Variants in SORCS2 observed in about 807,000 individuals in gnomAD.
The protein encoded by SORCS2 is sortilin related VPS10 domain containing receptor 2.
A neutral mutation model predicts 141.6 loss-of-function variants in SORCS2; 100 were observed. The ratio of observed to expected loss-of-function variants is 0.71; its 90% confidence interval spans 0.60 to 0.83. The LOEUF is 0.83. Ranked by LOEUF, SORCS2 falls within the 40% of genes least tolerant of loss-of-function variation. The pLI is 0.00. For missense variants in SORCS2, 1,646 were observed against 1,560.2 expected (o/e 1.05, Z -0.93); for synonymous variants, 789 against 676.9 (o/e 1.17, Z -2.57).
chr4:7,541,365 T>G (rs1389715334), intron 3 of SORCS2, among the ~76,000 whole-genome samples: 1 of 152,216 alleles, frequency 6.6e-6, no homozygotes, highest in Non-Finnish European at 1.5e-5. Context: ...TTGCTAACTT[T>G]CCATTCTGCT....
intron 1 of SORCS2, among the ~76,000 whole-genome samples, chr4:7,212,708 T>C (rs989271155): frequency 5.9e-5 from 9 of 152,198 alleles, no homozygotes; most frequent in Non-Finnish European, 1.2e-4. Flanking sequence ...CACAAACCCA[T>C]CATGTTGGCC....
At chr4:7,342,828 G>T (rs189403834) in intron 1 of SORCS2, among the ~76,000 whole-genome samples, 4 of 152,222 alleles carry the variant, frequency 2.6e-5, no homozygotes, top group Admixed American at 6.5e-5. Flanking sequence ...CTGTGAGCAG[G>T]CAGATGGGAC....
intron 11 of SORCS2, among the ~76,000 whole-genome samples, chr4:7,691,470 T>C (rs1724249549): frequency 6.6e-6 from 1 of 152,158 alleles, no homozygotes; most frequent in African/African-American, 2.4e-5. Context: ...AGACCTGGCC[T>C]GTCTGGGGAG....
At position 7,724,695 on chromosome 4, in the gene SORCS2, G is replaced by T. The variant is rs868678166; in HGVS notation, c.2612-459G>T. Among the ~76,000 whole-genome samples the T allele has an allele frequency of 4.9e-4, 34 of 69,280 alleles. 13 individuals are homozygous for T. The highest frequency in any genetic ancestry group is 9.8e-4 in the South Asian group (2 of 2,046). The allele number at this position is 69,280 out of a possible 152,430, so 45.5% of individuals were successfully genotyped here. A position where few individuals can be genotyped will look rare whatever the true frequency, so the allele number is the denominator to read the frequency against. On this transcript the variant is annotated intron_variant, in intron 19 of 26. Transcript: ENST00000507866. ...TGGTGGTAGTGGTGATGGTGGTGGT[G>T]TTGGTGATGGTGGTGATAGTATTGG...
At chr4:7,391,131 A>G (rs979070761) in intron 1 of SORCS2, among the ~76,000 whole-genome samples, 2 of 152,024 alleles carry the variant, frequency 1.3e-5, no homozygotes, top group African/African-American at 4.8e-5. Flanking sequence ...CCTGCATCAC[A>G]CCCTCTTTGT....
At chr4:7,480,479 G>C (rs891114809) in intron 2 of SORCS2, among the ~76,000 whole-genome samples, 7 of 152,256 alleles carry the variant, frequency 4.6e-5, no homozygotes, top group African/African-American at 1.7e-4. Context: ...GGGAGACCAT[G>C]CTCTGAAGCT....
chr4:7,567,836 T>G (rs1246693549), intron 3 of SORCS2, among the ~76,000 whole-genome samples: 4 of 152,236 alleles, frequency 2.6e-5, no homozygotes, highest in Non-Finnish European at 5.9e-5. Flanking sequence ...TATATGAGGA[T>G]GAACTCATGA....
Position 7,536,791 on chromosome 4 carries a change from T to A in SORCS2, c.648+5162T>A, listed in dbSNP as rs564209708. On this transcript the variant is annotated intron_variant, in intron 3 of 26. Transcript: ENST00000507866. ...CCCCTCGGTGATCATTTTTGGTGTA[T>A]CACACTTTCGGCCAGAAGCGGATGT... is the stretch of plus-strand genomic sequence containing the variant. 1.5e-3 allele frequency among the ~76,000 whole-genome samples: 220 copies of A among 147,286 alleles called. 1 individual carries two copies. The highest frequency in any genetic ancestry group is 5.5e-3 in the African/African-American group (212 of 38,276).
intron 2 of SORCS2, among the ~76,000 whole-genome samples, chr4:7,508,452 G>A (rs919258707): frequency 1.1e-4 from 16 of 149,174 alleles, no homozygotes; most frequent in African/African-American, 4.0e-4. Context: ...CCGGGTTCAA[G>A]TGATTCTCCT....
At chr4:7,307,183 C>G (rs1197781082) in intron 1 of SORCS2, among the ~76,000 whole-genome samples, 2 of 152,338 alleles carry the variant, frequency 1.3e-5, no homozygotes, top group Non-Finnish European at 1.5e-5. Context: ...ACATTCTCTT[C>G]CCCTCCCCTC....
At chr4:7,637,418 T>C (rs544615858) in intron 3 of SORCS2, among the ~76,000 whole-genome samples, 2 of 152,342 alleles carry the variant, frequency 1.3e-5, no homozygotes, top group Non-Finnish European at 1.5e-5. Context: ...TGGTCCTGCT[T>C]TGGAGCAGTT....
chr4:7,675,298 G>GC (rs1481142399), intron 8 of SORCS2, among the ~76,000 whole-genome samples: 2 of 152,200 alleles, frequency 1.3e-5, no homozygotes, highest in Non-Finnish European at 2.9e-5. Context: ...TGCCCTGGCT[G>GC]CCCTTCAACC....
intron 3 of SORCS2, among the ~76,000 whole-genome samples, chr4:7,598,480 C>T (rs572469591): frequency 4.5e-4 from 69 of 152,272 alleles, no homozygotes; most frequent in Middle Eastern, 3.4e-3. Flanking sequence ...CTTCTCCCTC[C>T]GCTGTGATCA....
At chr4:7,518,388 G>A (rs189871485) in intron 2 of SORCS2, among the ~76,000 whole-genome samples, 16 of 152,232 alleles carry the variant, frequency 1.1e-4, no homozygotes, top group East Asian at 9.7e-4. Context: ...CCATCAGCCC[G>A]TCCCACTTCA....
chr4:7,447,880 A>C (rs1425954069), intron 2 of SORCS2, among the ~76,000 whole-genome samples: 1 of 152,208 alleles, frequency 6.6e-6, no homozygotes, highest in Non-Finnish European at 1.5e-5. Flanking sequence ...GAAACACTGC[A>C]GATACGGCAG....
chr4:7,725,387 C>A, intron 20 of SORCS2, 100 bp downstream of exon 20: 4 of 1,467,334 alleles, frequency 2.7e-6, no homozygotes, highest in South Asian at 1.3e-5. Flanking sequence ...CAGAAGGAAC[C>A]AGTGTAGGGT....
At chr4:7,724,973 G>T (rs112186344) in intron 19 of SORCS2, among the ~76,000 whole-genome samples, 181 bp from the exon 20 acceptor site, 2 of 110,530 alleles carry the variant, frequency 1.8e-5, no homozygotes, top group African/African-American at 3.6e-5. Context: ...TGGTGATAGT[G>T]TTGGTGGGAA....
intron 2 of SORCS2, among the ~76,000 whole-genome samples, chr4:7,435,260 G>A (rs1359195259): frequency 1.3e-5 from 2 of 152,140 alleles, no homozygotes; most frequent in African/African-American, 2.4e-5. Context: ...GACTTGTGTG[G>A]CCTGGGTCCC....
At chr4:7,560,014 G>A (rs1006402266) in intron 3 of SORCS2, among the ~76,000 whole-genome samples, 7 of 152,298 alleles carry the variant, frequency 4.6e-5, no homozygotes, top group South Asian at 2.1e-4. Context: ...GTGGCCACCC[G>A]CTGAATTAAA....
Sources: allele counts gnomAD v4.1 joint callset (sites outside exome capture counted in the v4.1 genomes callset), GRCh38; gene constraint gnomAD v4.1.1; transcripts MANE v1.5; gene names NCBI Gene and HGNC (gene_info 2026-07-23, HGNC 2026-07-21).